COPG2: variants seen among roughly 807,000 people sequenced by gnomAD.
COPG2 encodes the protein coatomer subunit gamma-2.
A neutral mutation model predicts 46.3 loss-of-function variants in COPG2; 37 were observed. The ratio of observed to expected loss-of-function variants is 0.80; its 90% confidence interval spans 0.61 to 1.05. COPG2 has a LOEUF of 1.05. Among genes scored for constraint, COPG2 ranks in the 50% least tolerant of loss-of-function variants. The pLI, the probability that COPG2 is intolerant of heterozygous loss-of-function variation, is 0.00. For synonymous variants in COPG2, 159 were observed against 129.7 expected, an observed-to-expected ratio of 1.23 and a Z score of -1.53; for missense variants, 427 against 387.8, an observed-to-expected ratio of 1.10 and a Z score of -0.85.
intron 9 of COPG2, among the ~76,000 whole-genome samples, chr7:130,595,477 A>G (rs1230081745): frequency 1.3e-5 from 2 of 152,236 alleles, no homozygotes; most frequent in Admixed American, 1.3e-4. Context: ...AATTAACTAT[A>G]TACTTTTAAA....
At chr7:130,651,863 G>A (rs1554459178) in intron 5 of COPG2, among the ~76,000 whole-genome samples, 1 of 151,894 alleles carries the variant, frequency 6.6e-6, no homozygotes, top group African/African-American at 2.4e-5. Flanking sequence ...ATGTTGGCCA[G>A]GTTGGTCTTG....
At chr7:130,509,447 T>C in intron 20 of COPG2, 1 of 383,668 alleles carries the variant, frequency 2.6e-6, no homozygotes, top group Non-Finnish European at 5.1e-6. Flanking sequence ...AAAAAGCTTA[T>C]AGGTACAAAA....
At chr7:130,616,352 C>T (rs1794948645) in intron 6 of COPG2, among the ~76,000 whole-genome samples, 1 of 152,098 alleles carries the variant, frequency 6.6e-6, no homozygotes, top group Non-Finnish European at 1.5e-5. Context: ...AAAAGCCTCC[C>T]ACATGGCGAT....
intron 20 of COPG2, among the ~76,000 whole-genome samples, chr7:130,544,825 G>C (rs1793408401): frequency 6.6e-6 from 1 of 152,094 alleles, no homozygotes; most frequent in African/African-American, 2.4e-5. Flanking sequence ...ATAATAAGTA[G>C]GACTAGTTAC....
At chr7:130,602,810 G>C (rs1554450562) in intron 9 of COPG2, 1 of 151,850 alleles carries the variant, frequency 6.6e-6, no homozygotes, top group African/African-American at 2.4e-5. Flanking sequence ...ACAGCATCCG[G>C]TATTACCAGA....
chr7:130,614,776 G>T (rs1554452623), intron 6 of COPG2, among the ~76,000 whole-genome samples: 1 of 152,154 alleles, frequency 6.6e-6, no homozygotes, highest in Non-Finnish European at 1.5e-5. Context: ...ACAAAAATTA[G>T]CTGGGCATCG....
intron 4 of COPG2, among the ~76,000 whole-genome samples, chr7:130,653,481 G>A (rs1323861717): frequency 6.6e-6 from 1 of 152,132 alleles, no homozygotes; most frequent in Non-Finnish European, 1.5e-5. Context: ...CCTGGAAAAT[G>A]TGCAAACTCT....
intron 5 of COPG2, chr7:130,645,355 G>T (rs1795575309): frequency 5.3e-6 from 3 of 561,768 alleles, no homozygotes; most frequent in Non-Finnish European, 1.1e-5. Flanking sequence ...TACATTGTTA[G>T]ATCTCAGGTA....
At chr7:130,576,511 C>T (rs568072578) in intron 9 of COPG2, among the ~76,000 whole-genome samples, 13 of 152,180 alleles carry the variant, frequency 8.5e-5, no homozygotes, top group African/African-American at 3.1e-4. Flanking sequence ...AAGAATTCTT[C>T]GAACTGAACA....
chr7:130,583,853 T>C (rs1175490821), intron 9 of COPG2, among the ~76,000 whole-genome samples: 1 of 146,748 alleles, frequency 6.8e-6, no homozygotes, highest in Non-Finnish European at 1.5e-5. Flanking sequence ...ACCAGACTTT[T>C]CACAGAATTC....
At chr7:130,532,459 A>G (rs1227968369) in intron 20 of COPG2, among the ~76,000 whole-genome samples, 1 of 151,942 alleles carries the variant, frequency 6.6e-6, no homozygotes, top group Non-Finnish European at 1.5e-5. Context: ...GGGAGGAGGC[A>G]GGAGGAGGGT....
intron 16 of COPG2, 22 bp downstream of exon 16, chr7:130,551,219 T>C (rs1793531211): frequency 3.0e-5 from 12 of 398,352 alleles, no homozygotes; most frequent in Non-Finnish European, 4.4e-5. Context: ...AACAAAAGTG[T>C]ACATCCTTGG....
chr7:130,668,140 T>C (rs797027627), intron 1 of COPG2, among the ~76,000 whole-genome samples: 4 of 152,228 alleles, frequency 2.6e-5, no homozygotes, highest in African/African-American at 9.6e-5. Flanking sequence ...CACGGGACAG[T>C]CTTGCCCCCG....
chr7:130,577,489 C>T (rs1442733794), intron 9 of COPG2, among the ~76,000 whole-genome samples: 3 of 152,130 alleles, frequency 2.0e-5, no homozygotes, highest in African/African-American at 4.8e-5. Context: ...AGGCCAGGCG[C>T]GGTGGCTCAC....
chr7:130,625,502 T>C (rs1197315693), intron 5 of COPG2, among the ~76,000 whole-genome samples: 2 of 151,906 alleles, frequency 1.3e-5, no homozygotes, highest in Non-Finnish European at 2.9e-5. Flanking sequence ...CTCTAGTGTT[T>C]CCCCATTAAA....
chr7:130,525,598 T>C (rs1197065701), intron 20 of COPG2, among the ~76,000 whole-genome samples: 1 of 152,196 alleles, frequency 6.6e-6, no homozygotes, highest in African/African-American at 2.4e-5. Context: ...GATCACTGAA[T>C]CTGAGCTTCT....
At chr7:130,654,774 T>A (rs1795816016) in intron 4 of COPG2, among the ~76,000 whole-genome samples, 1 of 152,166 alleles carries the variant, frequency 6.6e-6, no homozygotes, top group South Asian at 2.1e-4. Context: ...CTACTCTGTC[T>A]TTTTTTCCTC....
At chr7:130,662,007 G>C (rs1410845266) in intron 4 of COPG2, among the ~76,000 whole-genome samples, 1 of 152,176 alleles carries the variant, frequency 6.6e-6, no homozygotes, top group Non-Finnish European at 1.5e-5. Context: ...TTAGGACCTT[G>C]ACTGGCAAGG....
At chr7:130,657,983 A>G (rs1795890954) in intron 4 of COPG2, among the ~76,000 whole-genome samples, 1 of 152,222 alleles carries the variant, frequency 6.6e-6, no homozygotes. Context: ...ATGGGTTGGT[A>G]GTTTCTTACA....
Sources: allele counts gnomAD v4.1 joint callset (sites outside exome capture counted in the v4.1 genomes callset), GRCh38; gene constraint gnomAD v4.1.1; transcripts MANE v1.5; gene names NCBI Gene and HGNC (gene_info 2026-07-23, HGNC 2026-07-21).